The following MTA3 variants were observed in gnomAD, a reference collection of about 807,000 sequenced individuals.
The protein encoded by MTA3 is metastasis-associated protein MTA3.
MTA3 carries 34 observed loss-of-function variants against 83.5 expected under a neutral mutation model. That is an observed-to-expected ratio of 0.41 (90% confidence interval 0.31 to 0.54). The LOEUF (loss-of-function observed/expected upper bound fraction) is 0.54, where lower values mean the gene tolerates loss of function less well. Ranked by LOEUF, MTA3 falls within the 20% of genes least tolerant of loss-of-function variation. The pLI, the probability that MTA3 is intolerant of heterozygous loss-of-function variation, is 0.33. For missense variants in MTA3, 761 were observed against 726.4 expected, an observed-to-expected ratio of 1.05 and a Z score of -0.55; for synonymous variants, 303 against 252.7, an observed-to-expected ratio of 1.20 and a Z score of -1.89.
intron 6 of MTA3, among the ~76,000 whole-genome samples, chr2:42,651,362 G>A (rs374993922): frequency 4.6e-5 from 7 of 152,198 alleles, no homozygotes; most frequent in African/African-American, 1.7e-4. Context: ...TAATAAATTA[G>A]CTTGCTCAAC....
At chr2:42,594,729 T>TATATATATA (rs1491154379) in intron 3 of MTA3, among the ~76,000 whole-genome samples, 4 of 19,144 alleles carry the variant, frequency 2.1e-4, no homozygotes, top group South Asian at 5.0e-3. Context: ...TATATATATA[T>TATATATATA]TTTTTTTTTT....
At chr2:42,640,957 A>T (rs191263841) in intron 5 of MTA3, among the ~76,000 whole-genome samples, 38 of 152,294 alleles carry the variant, frequency 2.5e-4, no homozygotes, top group African/African-American at 8.9e-4. Context: ...CCCATTCTGG[A>T]ACGCAGTGAC....
intron 4 of MTA3, among the ~76,000 whole-genome samples, chr2:42,624,413 C>T (rs1026252550): frequency 8.5e-5 from 13 of 152,082 alleles, no homozygotes; most frequent in African/African-American, 3.1e-4. Flanking sequence ...CCTCCACCTC[C>T]TGGGTTCAAG....
intron 4 of MTA3, among the ~76,000 whole-genome samples, chr2:42,628,214 A>ATTTATTTATTTG (rs1686315758): frequency 6.8e-6 from 1 of 147,434 alleles, no homozygotes; most frequent in Admixed American, 6.8e-5. Context: ...CGTTTTATTT[A>ATTTATTTATTTG]TTTATTTATT....
chr2:42,674,941 C>T (rs757110619), intron 8 of MTA3, among the ~76,000 whole-genome samples: 2 of 150,614 alleles, frequency 1.3e-5, no homozygotes, highest in Non-Finnish European at 3.0e-5. Context: ...AGGCACTCAA[C>T]ACTGTGCCCA....
At chr2:42,540,183 T>TTTG (rs1352913156) in intron 2 of MTA3, among the ~76,000 whole-genome samples, 7 of 150,102 alleles carry the variant, frequency 4.7e-5, no homozygotes, top group Non-Finnish European at 1.0e-4. Flanking sequence ...TTTTTTTTTT[T>TTTG]TTTTTTTGTA....
At chr2:42,546,016 T>C (rs201984721) in intron 2 of MTA3, among the ~76,000 whole-genome samples, 1 of 151,606 alleles carries the variant, frequency 6.6e-6, no homozygotes, top group Non-Finnish European at 1.5e-5. Context: ...ATAATGGTAC[T>C]ATTTAAAAGC....
intron 2 of MTA3, among the ~76,000 whole-genome samples, chr2:42,541,603 G>A (rs1235196872): frequency 1.3e-5 from 2 of 152,196 alleles, no homozygotes; most frequent in Non-Finnish European, 2.9e-5. Flanking sequence ...GTGACACTGG[G>A]TAGATGAGGT....
intron 9 of MTA3, among the ~76,000 whole-genome samples, chr2:42,686,512 T>G (rs1460427585): frequency 9.8e-6 from 1 of 102,272 alleles, no homozygotes; most frequent in Non-Finnish European, 1.9e-5. Context: ...CATAGTAGAC[T>G]CTGCCTCTTA....
At chr2:42,501,098 C>T (rs1001059866) in intron 2 of MTA3, among the ~76,000 whole-genome samples, 2 of 152,144 alleles carry the variant, frequency 1.3e-5, no homozygotes, top group African/African-American at 4.8e-5. Context: ...GCATGAGCCA[C>T]CGCGCGTGAC....
intron 9 of MTA3, among the ~76,000 whole-genome samples, chr2:42,685,673 GTTGAAGGGCCAGTC>G (rs1171610797): frequency 8.5e-5 from 13 of 152,180 alleles, no homozygotes; most frequent in South Asian, 4.1e-4. Flanking sequence ...GGTCATGGTT[GTTGAAGGGCCAGTC>G]TTGAAGGGCC....
chr2:42,639,683 A>G (rs1231030811), intron 4 of MTA3, among the ~76,000 whole-genome samples: 2 of 152,208 alleles, frequency 1.3e-5, no homozygotes, highest in Admixed American at 1.3e-4. Context: ...AATTAGTTAT[A>G]TCCTGATATG....
chr2:42,718,738 G>A (rs370540765), intron 14 of MTA3, among the ~76,000 whole-genome samples: 3 of 152,162 alleles, frequency 2.0e-5, no homozygotes, highest in Admixed American at 1.3e-4. Context: ...ACTTCAGCCT[G>A]GGTGACAGAG....
chr2:42,683,931 A>T (rs541187984), intron 9 of MTA3, among the ~76,000 whole-genome samples: 88 of 151,834 alleles, frequency 5.8e-4, no homozygotes, highest in African/African-American at 1.2e-3. Context: ...ATTATTAAAA[A>T]TTTTTTTTTC....
upstream of MTA3, among the ~76,000 whole-genome samples, chr2:42,565,929 C>T (rs959115185): frequency 1.3e-5 from 2 of 152,008 alleles, no homozygotes; most frequent in African/African-American, 2.4e-5. Context: ...GCTTGAGCCT[C>T]GGAGGTGGAG....
intron 8 of MTA3, among the ~76,000 whole-genome samples, chr2:42,672,665 A>G (rs1195414372): frequency 2.0e-5 from 3 of 149,934 alleles, no homozygotes; most frequent in African/African-American, 4.9e-5. Flanking sequence ...AAAAAAAAAA[A>G]AAAAAAAAAG....
chr2:42,512,496 A>G (rs1251354152), intron 2 of MTA3, among the ~76,000 whole-genome samples: 1 of 152,220 alleles, frequency 6.6e-6, no homozygotes, highest in Non-Finnish European at 1.5e-5. Flanking sequence ...TCCTTTCCAG[A>G]GGAAAGTAAT....
In MTA3 at chr2:42,742,142, C is replaced by CT. The variant is rs779331968; in HGVS notation, c.1760-11218dup. 1.9e-3 allele frequency among the ~76,000 whole-genome samples: 273 copies of CT among 141,108 alleles called. 1 individual carries two copies. The highest frequency in any genetic ancestry group is 5.8e-3 in the South Asian group (26 of 4,492). The allele number at this position is 141,108 out of a possible 152,430, so 92.6% of individuals were successfully genotyped here. A position where few individuals can be genotyped will look rare whatever the true frequency, so the allele number is the denominator to read the frequency against. On this transcript the variant is annotated intron_variant, in intron 16 of 16. Coordinates refer to ENST00000405094, the MANE Select transcript of MTA3 (RefSeq NM_001330442.2). ...AAGCCATCACTTTCTTTCTTTCTTT[C>CT]TTTTTTTTTTTTTTGAGAAGCAGAC... is the stretch of plus-strand genomic sequence containing the variant.
chr2:42,549,568 C>T (rs28782865), intron 2 of MTA3, among the ~76,000 whole-genome samples: 1 of 110,370 alleles, frequency 9.1e-6, no homozygotes, highest in Non-Finnish European at 1.7e-5. Flanking sequence ...TATACATATA[C>T]ATATATAATA....
Sources: gnomAD v4.1 joint callset for allele counts (sites outside exome capture counted in the v4.1 genomes callset) on GRCh38, gnomAD v4.1.1 for gene constraint, MANE v1.5 for transcripts, NCBI Gene and HGNC (gene_info 2026-07-23, HGNC 2026-07-21) for gene names.